KIAA1328: variants seen among roughly 807,000 people sequenced by gnomAD.
KIAA1328 encodes the protein protein hinderin.
KIAA1328 carries 52 observed loss-of-function variants against 68.1 expected under a neutral mutation model. The ratio of observed to expected loss-of-function variants is 0.76; its 90% CI spans 0.61 to 0.96. The LOEUF (loss-of-function observed/expected upper bound fraction) is 0.96. Among genes scored for constraint, KIAA1328 ranks in the 40% least tolerant of loss-of-function variants. The probability of loss-of-function intolerance (pLI) is 0.00; values close to 1 mark genes in which losing one functional copy is unlikely to be tolerated. For missense variants in KIAA1328, 641 were observed against 677.6 expected (o/e 0.95, Z 0.60); for synonymous variants, 232 against 239.4 (o/e 0.97, Z 0.28).
intron 6 of KIAA1328, among the ~76,000 whole-genome samples, chr18:36,979,138 G>C (rs1598879144): frequency 6.6e-6 from 1 of 151,284 alleles, no homozygotes; most frequent in East Asian, 1.9e-4. Flanking sequence ...CTGCAGCCTG[G>C]GTAACAGACT....
chr18:36,997,859 G>A (rs1459701477), intron 6 of KIAA1328, among the ~76,000 whole-genome samples: 2 of 152,124 alleles, frequency 1.3e-5, no homozygotes, highest in East Asian at 3.9e-4. Flanking sequence ...CTGGTACTGT[G>A]GTGTCAGCTG....
chr18:37,224,761 C>G lies in KIAA1328; in HGVS notation c.*2534C>G, dbSNP rs1208724350. ...GATTTGCTCGTCCAGCCTCTAGACA[C>G]TTCCCAAAGCAAGACTGGACACATG... On this transcript the variant is annotated 3_prime_UTR_variant, in exon 10 of 10. Transcript: ENST00000280020. 2.0e-6 allele frequency: 2 copies of G among 985,298 alleles called. No homozygotes were observed. The highest frequency in any genetic ancestry group is 2.4e-6 in the Non-Finnish European group (2 of 829,950). 61.0% of individuals were successfully genotyped at this position (985,298 alleles called of 1,614,324 possible).
chr18:37,114,528 A>G (rs1482525171), intron 7 of KIAA1328, among the ~76,000 whole-genome samples: 1 of 152,230 alleles, frequency 6.6e-6, no homozygotes, highest in Admixed American at 6.5e-5. Context: ...AGGGAAATTT[A>G]TAGCACTAAA....
intron 7 of KIAA1328, among the ~76,000 whole-genome samples, chr18:37,115,125 A>G (rs2058065319): frequency 6.6e-6 from 1 of 152,184 alleles, no homozygotes; most frequent in South Asian, 2.1e-4. Flanking sequence ...AACTATTCCA[A>G]TTAATAGAAA....
intron 6 of KIAA1328, among the ~76,000 whole-genome samples, chr18:37,021,188 A>G (rs1568300933): frequency 6.6e-6 from 1 of 152,190 alleles, no homozygotes; most frequent in Non-Finnish European, 1.5e-5. Flanking sequence ...TTAATTTCAA[A>G]TTGGATTTTT....
intron 6 of KIAA1328, among the ~76,000 whole-genome samples, chr18:37,039,806 T>C (rs2055174747): frequency 6.6e-6 from 1 of 152,192 alleles, no homozygotes; most frequent in African/African-American, 2.4e-5. Flanking sequence ...AGAAGTCCGG[T>C]TGAACTTCAC....
At chr18:36,921,604 C>T (rs1263601258) in intron 5 of KIAA1328, among the ~76,000 whole-genome samples, 1 of 152,054 alleles carries the variant, frequency 6.6e-6, no homozygotes, top group Admixed American at 6.6e-5. Context: ...CGGGGTTTCA[C>T]TGTGTTAGCC....
chr18:36,842,109 T>C (rs1285907030), intron 3 of KIAA1328, among the ~76,000 whole-genome samples: 1 of 152,218 alleles, frequency 6.6e-6, no homozygotes, highest in African/African-American at 2.4e-5. Context: ...TAAAGTATCA[T>C]GAAAGTAGTA....
chr18:36,932,296 C>T (rs1373478410), intron 5 of KIAA1328, among the ~76,000 whole-genome samples: 2 of 152,170 alleles, frequency 1.3e-5, no homozygotes, highest in African/African-American at 2.4e-5. Context: ...GATCACAGCT[C>T]ATTGCAGCCT....
At chr18:37,056,859 T>A (rs1266067436) in intron 6 of KIAA1328, among the ~76,000 whole-genome samples, 1 of 152,076 alleles carries the variant, frequency 6.6e-6, no homozygotes, top group African/African-American at 2.4e-5. Flanking sequence ...GCCAGGCTGG[T>A]CTCAAATTCC....
At chr18:37,140,107 C>T (rs546746190) in intron 7 of KIAA1328, among the ~76,000 whole-genome samples, 2 of 152,128 alleles carry the variant, frequency 1.3e-5, no homozygotes, top group Non-Finnish European at 2.9e-5. Context: ...TTAACTTTGC[C>T]TCCCTAAAGA....
chr18:37,137,810 C>G (rs1392515978), intron 7 of KIAA1328, among the ~76,000 whole-genome samples: 3 of 152,152 alleles, frequency 2.0e-5, no homozygotes, highest in Non-Finnish European at 2.9e-5. Context: ...TAGATCATAT[C>G]TCTATGCCAG....
chr18:36,910,045 G>A (rs1437294841), intron 5 of KIAA1328, among the ~76,000 whole-genome samples: 3 of 152,138 alleles, frequency 2.0e-5, no homozygotes, highest in Non-Finnish European at 4.4e-5. Context: ...CGTCAGATGA[G>A]TAGATTGCAG....
rs1411126275 is a variant in KIAA1328 at position 37,076,494 on chromosome 18, T to C, written c.1232+8949T>C. Among the ~76,000 whole-genome samples, 3 of 151,432 alleles carry C rather than the reference T, an allele frequency of 2.0e-5. 1 individual carries two copies. The highest frequency in any genetic ancestry group is 4.4e-5 in the Non-Finnish European group (3 of 67,812). Reference sequence around the variant, plus strand: ...GAAATAACTAAAATCAGAGCAGAATTGAAGGAAATAGAGACACAAAAAACC... The same window carrying C: ...GAAATAACTAAAATCAGAGCAGAATCGAAGGAAATAGAGACACAAAAAACC... On this transcript the variant is annotated intron_variant, in intron 7 of 9. Coordinates refer to ENST00000280020, the MANE Select transcript of KIAA1328 (RefSeq NM_020776.3).
At chr18:37,214,152 A>T (rs533622472) in intron 9 of KIAA1328, among the ~76,000 whole-genome samples, 113 of 152,282 alleles carry the variant, frequency 7.4e-4, no homozygotes, top group African/African-American at 2.3e-3. Context: ...TCTTCAGTTT[A>T]ATTAGATCCC....
At chr18:36,856,624 A>G (rs1485655260) in intron 4 of KIAA1328, among the ~76,000 whole-genome samples, 2 of 152,108 alleles carry the variant, frequency 1.3e-5, no homozygotes, top group Non-Finnish European at 2.9e-5. Flanking sequence ...TGTATTCAGG[A>G]CAGTTGATTT....
intron 5 of KIAA1328, among the ~76,000 whole-genome samples, chr18:36,949,136 A>G (rs1245362067): frequency 1.3e-5 from 2 of 152,104 alleles, no homozygotes; most frequent in African/African-American, 4.8e-5. Flanking sequence ...CTACAGTTCT[A>G]AGGTAGTTCT....
chr18:36,889,999 C>T (rs1568128053), intron 5 of KIAA1328, among the ~76,000 whole-genome samples: 1 of 152,132 alleles, frequency 6.6e-6, no homozygotes, highest in Non-Finnish European at 1.5e-5. Flanking sequence ...TTAGTTTCCT[C>T]TCCCAGAAAT....
At chr18:36,896,144 A>G (rs930813668) in intron 5 of KIAA1328, among the ~76,000 whole-genome samples, 2 of 152,080 alleles carry the variant, frequency 1.3e-5, no homozygotes, top group Admixed American at 1.3e-4. Context: ...TGTGGAGGGT[A>G]GTGTTTCTAA....
Sources: gnomAD v4.1 joint callset for allele counts (sites outside exome capture counted in the v4.1 genomes callset) on GRCh38, gnomAD v4.1.1 for gene constraint, MANE v1.5 for transcripts, NCBI Gene and HGNC (gene_info 2026-07-23, HGNC 2026-07-21) for gene names.